The following IFT80 variants were observed in gnomAD, a reference collection of about 807,000 sequenced individuals.
IFT80 encodes intraflagellar transport 80, also known as intraflagellar transport protein 80 homolog.
A neutral mutation model predicts 107.9 loss-of-function variants in IFT80; 79 were observed. The ratio of observed to expected loss-of-function variants is 0.73; its 90% CI spans 0.61 to 0.88. The LOEUF (loss-of-function observed/expected upper bound fraction) is 0.88. Among genes scored for constraint, IFT80 ranks in the 40% least tolerant of loss-of-function variants. IFT80 has a pLI of 0.00. For missense variants in IFT80, 797 were observed against 914.2 expected (o/e 0.87, Z 1.65); for synonymous variants, 299 against 300.9 (o/e 0.99, Z 0.07).
chr3:160,300,181 C>T (rs1322622644), intron 12 of IFT80, among the ~76,000 whole-genome samples: 1 of 152,104 alleles, frequency 6.6e-6, no homozygotes, highest in Admixed American at 6.6e-5. Flanking sequence ...CATTACCTGA[C>T]AATTTATTAT....
At chr3:160,318,605 C>A (rs767778087) in intron 9 of IFT80, among the ~76,000 whole-genome samples, 1 of 152,020 alleles carries the variant, frequency 6.6e-6, no homozygotes, top group Non-Finnish European at 1.5e-5. Flanking sequence ...TGTGCCCTCC[C>A]ACTGATATCC....
rs758550200 is a variant in IFT80, at chr3:160,356,098, G to A, written c.692C>T (p.Pro231Leu). 6.2e-7 allele frequency: 1 copy of A among 1,613,912 alleles called. No homozygotes were observed. Among genetic ancestry groups the A allele is most frequent in the African/African-American group, 1.3e-5 (1 of 74,894 alleles). ...TGGAGCCCAGGCAACTGAAGTAATG[G>A]GATGCTCATGAGGTTGTGAATTGTA... ...PLYNSQPHEH[P>L]ITSVAWAPDG... The change falls in exon 8 of 20, where the codon CCC (proline) becomes CTC (leucine). Residue 231 changes from proline (P) to leucine (L), a missense_variant. Pro to Leu is a moderately conservative substitution (Grantham distance 98). Coordinates refer to ENST00000326448, the MANE Select transcript of IFT80 (RefSeq NM_020800.3).
chr3:160,302,618 G>C (rs1038681015), intron 11 of IFT80, among the ~76,000 whole-genome samples: 1 of 151,808 alleles, frequency 6.6e-6, no homozygotes, highest in Admixed American at 6.6e-5. Flanking sequence ...TTTATTAAGA[G>C]TATATTCAAT....
At chr3:160,263,498 C>T (rs1264722416) in intron 19 of IFT80, among the ~76,000 whole-genome samples, 1 of 152,098 alleles carries the variant, frequency 6.6e-6, no homozygotes, top group East Asian at 1.9e-4. Flanking sequence ...GTATTCCAAC[C>T]ACCCAGGGTC....
intron 13 of IFT80, among the ~76,000 whole-genome samples, chr3:160,283,274 T>C (rs571630411): frequency 1.3e-4 from 20 of 152,338 alleles, no homozygotes; most frequent in African/African-American, 4.1e-4. Flanking sequence ...AATTTTACTA[T>C]AACTTGAAAA....
chr3:160,377,394 T>C, intron 4 of IFT80, 36 bp downstream of exon 4: 1 of 1,235,772 alleles, frequency 8.1e-7, no homozygotes, highest in Non-Finnish European at 1.2e-6. Flanking sequence ...TTCTTTAAAA[T>C]ATTCATTTCA....
intron 6 of IFT80, among the ~76,000 whole-genome samples, chr3:160,365,361 A>G (rs143997589): frequency 6.6e-6 from 1 of 152,212 alleles, no homozygotes; most frequent in Non-Finnish European, 1.5e-5. Flanking sequence ...CCTCAAAGTC[A>G]TCTCTATGTC....
rs148672220 is a variant in IFT80, at chr3:160,314,566, A to G, written c.957+5194T>C. On this transcript the variant is annotated intron_variant, in intron 9 of 19. Coordinates refer to ENST00000326448, the MANE Select transcript of IFT80 (RefSeq NM_020800.3). ...GTGTAGATTTAACAATCATGACTCA[A>G]CATGATCTCTGGTTTCTGAGTTAAT... Among the ~76,000 whole-genome samples the G allele has an allele frequency of 5.9e-4, 90 of 152,136 alleles. 1 individual carries two copies. The highest frequency in any genetic ancestry group is 2.1e-3 in the African/African-American group (89 of 41,474).
intron 9 of IFT80, among the ~76,000 whole-genome samples, chr3:160,317,775 G>A (rs1421999324): frequency 2.0e-5 from 3 of 152,068 alleles, no homozygotes; most frequent in Non-Finnish European, 4.4e-5. Flanking sequence ...CTACCAGACA[G>A]ATAACTTGGT....
chr3:160,285,615 A>G (rs1715032500), intron 13 of IFT80, among the ~76,000 whole-genome samples, 189 bp downstream of exon 13: 1 of 152,230 alleles, frequency 6.6e-6, no homozygotes, highest in Admixed American at 6.5e-5. Flanking sequence ...ATAGCTTCCT[A>G]TCACAAACTT....
At chr3:160,321,249 G>A (rs1044215323) in intron 8 of IFT80, among the ~76,000 whole-genome samples, 5 of 151,842 alleles carry the variant, frequency 3.3e-5, no homozygotes, top group African/African-American at 7.2e-5. Flanking sequence ...TGCTTTGGGC[G>A]ATAAAATGAA....
intron 5 of IFT80, among the ~76,000 whole-genome samples, chr3:160,369,816 T>C (rs1319472136): frequency 6.6e-6 from 1 of 152,056 alleles, no homozygotes; most frequent in Non-Finnish European, 1.5e-5. Context: ...AGCTTTATAA[T>C]AAATAGTTTT....
chr3:160,279,908 T>A (rs528655173), intron 15 of IFT80, among the ~76,000 whole-genome samples: 1 of 152,242 alleles, frequency 6.6e-6, no homozygotes, highest in Admixed American at 6.5e-5. Context: ...GGCAACAGAG[T>A]GTGACCTTGA....
In IFT80 at chr3:160,328,650, C is replaced by T. The variant is rs370590194; in HGVS notation, c.778-8711G>A. Reference sequence around the variant, plus strand: ...AGTGATACCATTACTGGGTATATACCCAAAGGAATATAAATTGTTCTATTA... The same window carrying T: ...AGTGATACCATTACTGGGTATATACTCAAAGGAATATAAATTGTTCTATTA... On this transcript the variant is annotated intron_variant, in intron 8 of 19. Transcript: ENST00000326448. Among the ~76,000 whole-genome samples, 6 of 151,594 alleles carry T rather than the reference C, an allele frequency of 4.0e-5. 1 individual carries two copies. Among genetic ancestry groups the T allele is most frequent in the African/African-American group, 1.5e-4 (6 of 41,216 alleles).
intron 6 of IFT80, among the ~76,000 whole-genome samples, chr3:160,363,399 T>C (rs1424315055): frequency 1.3e-5 from 2 of 152,170 alleles, no homozygotes; most frequent in Admixed American, 6.6e-5. Context: ...TCCATGCTTA[T>C]AGATACGAGG....
At chr3:160,377,250 A>T (rs1712097347) in intron 4 of IFT80, among the ~76,000 whole-genome samples, 180 bp downstream of exon 4, 1 of 152,232 alleles carries the variant, frequency 6.6e-6, no homozygotes, top group Non-Finnish European at 1.5e-5. Context: ...AGGTCACATA[A>T]GAAAATGATT....
chr3:160,318,218 A>G (rs527277847), intron 9 of IFT80, among the ~76,000 whole-genome samples: 9 of 151,780 alleles, frequency 5.9e-5, no homozygotes, highest in Non-Finnish European at 1.3e-4. Context: ...TTATCTAAAT[A>G]AAAAGTTTTA....
Position 160,376,015 on chromosome 3 carries a change from T to G in IFT80, c.371-135A>C, listed in dbSNP as rs1027018604. ...CTAGGCTTCCTGAAATCATGGAATATTACTACATATTTAAAATTCAGAAAC... is the reference window on the plus strand; with the variant it reads ...CTAGGCTTCCTGAAATCATGGAATAGTACTACATATTTAAAATTCAGAAAC... On this transcript the variant is annotated intron_variant, in intron 4 of 19. Transcript: ENST00000326448. The G allele has an allele frequency of 1.3e-5, 8 of 631,052 alleles. No individual in the cohort carries two copies. In the African/African-American group the frequency reaches 1.5e-4, roughly 12 times the overall value. The allele number at this position is 631,052 out of a possible 1,614,324, so 39.1% of individuals were successfully genotyped here.
intron 6 of IFT80, among the ~76,000 whole-genome samples, chr3:160,358,979 C>T (rs532449780): frequency 1.3e-5 from 2 of 152,210 alleles, no homozygotes; most frequent in South Asian, 4.1e-4. Context: ...AAAATTTCCT[C>T]ACTATAAGAC....
Sources: gnomAD v4.1 joint callset for allele counts (sites outside exome capture counted in the v4.1 genomes callset) on GRCh38, gnomAD v4.1.1 for gene constraint, MANE v1.5 for transcripts, NCBI Gene and HGNC (gene_info 2026-07-23, HGNC 2026-07-21) for gene names.